Variants in FLRT2 observed in about 807,000 individuals in gnomAD.
FLRT2 encodes the protein leucine-rich repeat transmembrane protein FLRT2.
FLRT2 carries 15 observed loss-of-function variants against 40.0 expected under a neutral mutation model. That is an observed-to-expected ratio of 0.38 (90% CI 0.25 to 0.58). The LOEUF is 0.58. FLRT2 is among the 20% of genes least tolerant of loss of function. The probability of loss-of-function intolerance (pLI) is 0.71; values close to 1 mark genes in which losing one functional copy is unlikely to be tolerated. For missense variants in FLRT2, 726 were observed against 840.0 expected (o/e 0.86, Z 1.68); for synonymous variants, 380 against 336.8 (o/e 1.13, Z -1.41).
intron 1 of FLRT2, among the ~76,000 whole-genome samples, chr14:85,538,139 AACTT>A (rs558050192): frequency 2.6e-5 from 4 of 152,074 alleles, no homozygotes; most frequent in Non-Finnish European, 4.4e-5. Flanking sequence ...TACCACCTCT[AACTT>A]AATTTAATGT....
chr14:85,604,203 C>T (rs1450909524), intron 1 of FLRT2, among the ~76,000 whole-genome samples: 2 of 152,112 alleles, frequency 1.3e-5, no homozygotes, highest in African/African-American at 2.4e-5. Flanking sequence ...TCTGCTTTGT[C>T]TCCTTTCATG....
At position 85,560,463 on chromosome 14, in the gene FLRT2, T is replaced by A. The variant is rs574207592; in HGVS notation, c.-377+29929T>A. Among the ~76,000 whole-genome samples the A allele has an allele frequency of 2.4e-4, 37 of 152,116 alleles. 1 individual carries two copies. In the South Asian group the frequency reaches 7.5e-3, roughly 31 times the overall value. ...GGTGGCACGTGGCTGTAATCTCAGC[T>A]ACTTGGGAAGCTGAAGGAGGAGAAT... On this transcript the variant is annotated intron_variant, in intron 1 of 1. Transcript: ENST00000330753.
At chr14:85,617,776 G>C (rs1037562587) in intron 1 of FLRT2, among the ~76,000 whole-genome samples, 3 of 152,122 alleles carry the variant, frequency 2.0e-5, no homozygotes, top group Non-Finnish European at 4.4e-5. Flanking sequence ...TATTTTGTGG[G>C]ATTCCCAAGA....
At chr14:85,620,900 A>G (rs1893349775) in intron 1 of FLRT2, among the ~76,000 whole-genome samples, 1 of 152,240 alleles carries the variant, frequency 6.6e-6, no homozygotes, top group Non-Finnish European at 1.5e-5. Flanking sequence ...TTAAATTCAC[A>G]ATATGATGGT....
intron 1 of FLRT2, among the ~76,000 whole-genome samples, chr14:85,604,349 T>C (rs1474856889): frequency 5.3e-5 from 8 of 152,112 alleles, no homozygotes. Flanking sequence ...TTTTCAACAT[T>C]TATATATTGC....
chr14:85,548,600 C>A (rs745613428), intron 1 of FLRT2, among the ~76,000 whole-genome samples: 1 of 152,218 alleles, frequency 6.6e-6, no homozygotes, highest in Non-Finnish European at 1.5e-5. Flanking sequence ...AAACCATAGA[C>A]TAGCTTGCTG....
intron 1 of FLRT2, among the ~76,000 whole-genome samples, chr14:85,582,575 C>A (rs528427287): frequency 1.3e-5 from 2 of 152,214 alleles, no homozygotes; most frequent in South Asian, 4.2e-4. Flanking sequence ...ATGGGAGTAA[C>A]TGGAGCATCG....
At chr14:85,578,497 G>A (rs1891230706) in intron 1 of FLRT2, among the ~76,000 whole-genome samples, 1 of 152,004 alleles carries the variant, frequency 6.6e-6, no homozygotes, top group African/African-American at 2.4e-5. Flanking sequence ...ATAAACCGAG[G>A]ACGGATGGCT....
intron 1 of FLRT2, among the ~76,000 whole-genome samples, chr14:85,559,815 A>G (rs1288059944): frequency 6.6e-6 from 1 of 152,124 alleles, no homozygotes. Context: ...GTTAGATCAC[A>G]GGTTACAAGT....
At chr14:85,594,893 GTAT>G (rs1892062137) in intron 1 of FLRT2, among the ~76,000 whole-genome samples, 1 of 152,064 alleles carries the variant, frequency 6.6e-6, no homozygotes, top group African/African-American at 2.4e-5. Flanking sequence ...TATTTTATAT[GTAT>G]TATTGACAGT....
At chr14:85,563,093 G>C (rs544182260) in intron 1 of FLRT2, 1 of 150,576 alleles carries the variant, frequency 6.6e-6, no homozygotes, top group Admixed American at 6.6e-5. Context: ...ACATCAAAAA[G>C]CATCTGTTGG....
intron 1 of FLRT2, among the ~76,000 whole-genome samples, chr14:85,532,336 C>A (rs980480414): frequency 5.9e-5 from 9 of 152,354 alleles, no homozygotes; most frequent in African/African-American, 1.9e-4. Flanking sequence ...GGACTTGTTA[C>A]AACATGACAG....
chr14:85,612,806 T>G (rs1892948193), intron 1 of FLRT2, among the ~76,000 whole-genome samples: 1 of 152,214 alleles, frequency 6.6e-6, no homozygotes, highest in African/African-American at 2.4e-5. Flanking sequence ...AAGCAATGAA[T>G]TTTTCATTTT....
chr14:85,561,442 CAACTT>C (rs1890309432), intron 1 of FLRT2, among the ~76,000 whole-genome samples: 1 of 152,200 alleles, frequency 6.6e-6, no homozygotes, highest in African/African-American at 2.4e-5. Context: ...TTATTCCAGT[CAACTT>C]AATTTTATTC....
intron 1 of FLRT2, among the ~76,000 whole-genome samples, chr14:85,533,498 C>T (rs561239118): frequency 2.0e-4 from 31 of 152,140 alleles, no homozygotes; most frequent in African/African-American, 7.0e-4. Context: ...GCTCTCCCGC[C>T]GAGTCCCGGG....
In FLRT2 at chr14:85,623,132, C is replaced by G; in HGVS notation, c.1618C>G (p.Pro540Ala). 1 of 1,604,144 alleles carries G rather than the reference C, an allele frequency of 6.2e-7. No homozygotes were observed. The highest frequency in any genetic ancestry group is 8.5e-7 in the Non-Finnish European group (1 of 1,174,362). Residue 540 changes from proline (P) to alanine (A), a missense_variant, in exon 2 of 2, where the codon CCC (proline) becomes GCC (alanine). Physicochemically the swap from Pro to Ala is conservative, Grantham distance 27. Around this residue, in one of 3 missense-constraint regions of FLRT2, gnomAD observed 611 missense variants for 690.0 expected, o/e 0.89. Transcript: ENST00000330753. The part of the protein sequence containing the change: ...EQTTSHSMGS[P>A]FLLAGLIGGA... ...GACGACGTCCCACAGCATGGGCTCC[C>G]CCTTTCTGCTGGCGGGCTTGATCGG... is the stretch of plus-strand genomic sequence containing the variant.
chr14:85,561,324 A>G (rs1306354594), intron 1 of FLRT2: 1 of 152,184 alleles, frequency 6.6e-6, no homozygotes, highest in Non-Finnish European at 1.5e-5. Context: ...GTATCTTACA[A>G]TCTCAGTTTA....
intron 1 of FLRT2, among the ~76,000 whole-genome samples, chr14:85,535,920 TTGTTGTTGTTG>T (rs1286905471): frequency 1.0e-4 from 6 of 59,848 alleles, no homozygotes; most frequent in African/African-American, 5.4e-4. Flanking sequence ...TTTTTTTTTT[TTGTTGTTGTTG>T]TTGTTGTTGT....
Position 85,651,342 on chromosome 14 carries a change from T to C in FLRT2, c.*27845T>C, listed in dbSNP as rs1305325691. On this transcript the variant is annotated 3_prime_UTR_variant, in exon 2 of 2. Transcript: ENST00000330753. ...TAGCAATTTGGTCAGTTGCTTTAAA[T>C]TAGAGATTTTGCCTGATTGTTATCT... The C allele has an allele frequency of 6.6e-6, 1 of 151,890 alleles. No homozygotes were observed. The highest frequency in any genetic ancestry group is 1.5e-5 in the Non-Finnish European group (1 of 67,926). The allele number at this position is 151,890 out of a possible 1,614,324, so 9.4% of individuals were successfully genotyped here.
Sources: gnomAD v4.1 joint callset for allele counts (sites outside exome capture counted in the v4.1 genomes callset) on GRCh38, gnomAD v4.1.1 for gene constraint, gnomAD v4.1.1 regional missense constraint, MANE v1.5 for transcripts, NCBI Gene and HGNC (gene_info 2026-07-23, HGNC 2026-07-21) for gene names.